The following AGTPBP1 variants were observed in gnomAD, a reference collection of about 807,000 sequenced individuals.
The protein encoded by AGTPBP1 is cytosolic carboxypeptidase 1.
A neutral mutation model predicts 143.9 loss-of-function variants in AGTPBP1; 70 were observed. The observed-to-expected ratio is 0.49, with a 90% CI of 0.40 to 0.59. AGTPBP1 has a LOEUF of 0.59. AGTPBP1 is among the 20% of genes least tolerant of loss of function. AGTPBP1 has a pLI of 0.00. For missense variants in AGTPBP1, 1,229 were observed against 1,464.5 expected (o/e 0.84, Z 2.62); for synonymous variants, 463 against 500.2 (o/e 0.93, Z 0.99).
chr9:85,657,340 T>C, intron 10 of AGTPBP1, 95 bp downstream of exon 10: 1 of 1,080,888 alleles, frequency 9.3e-7, no homozygotes, highest in Non-Finnish European at 1.3e-6. Context: ...ATCCTGTGTA[T>C]ACGTTTCTGA....
the AGTPBP1 span, among the ~76,000 whole-genome samples, chr9:85,798,055 CTA>C: frequency 6.9e-6 from 1 of 144,616 alleles, no homozygotes; most frequent in Non-Finnish European, 1.5e-5. Context: ...ACCACATCGG[CTA>C]TTTTTTTTTT....
chr9:85,720,876 T>C (rs1272632617), intron 1 of AGTPBP1, among the ~76,000 whole-genome samples: 3 of 152,230 alleles, frequency 2.0e-5, no homozygotes, highest in Non-Finnish European at 4.4e-5. Flanking sequence ...TTTGTTCTCA[T>C]TGGTTTCAAA....
chr9:85,703,323 G>A (rs1210768964), intron 2 of AGTPBP1, among the ~76,000 whole-genome samples: 1 of 152,166 alleles, frequency 6.6e-6, no homozygotes, highest in Non-Finnish European at 1.5e-5. Flanking sequence ...AAGGCCTCCT[G>A]GCTCTTGTGA....
At chr9:85,647,324 C>T (rs1832879561) in intron 11 of AGTPBP1, among the ~76,000 whole-genome samples, 1 of 152,156 alleles carries the variant, frequency 6.6e-6, no homozygotes, top group African/African-American at 2.4e-5. Flanking sequence ...CATTCAAAGT[C>T]AATCTGGGTT....
At chr9:85,699,221 C>T (rs992654530) in intron 2 of AGTPBP1, among the ~76,000 whole-genome samples, 1 of 152,080 alleles carries the variant, frequency 6.6e-6, no homozygotes, top group African/African-American at 2.4e-5. Flanking sequence ...TGGGCTCAAG[C>T]GATCCTCCCA....
At chr9:85,686,316 T>C (rs1450079843) in intron 3 of AGTPBP1, among the ~76,000 whole-genome samples, 1 of 151,982 alleles carries the variant, frequency 6.6e-6, no homozygotes, top group Non-Finnish European at 1.5e-5. Context: ...GTTATACTAA[T>C]ATCAGACAAA....
chr9:85,677,606 T>A (rs766033644), intron 5 of AGTPBP1, 24 bp from the exon 6 acceptor site: 243 of 1,396,722 alleles, frequency 1.7e-4, no homozygotes, highest in Non-Finnish European at 2.0e-4. Flanking sequence ...AAAAAAAAAA[T>A]TTAAACAACA....
the AGTPBP1 span, among the ~76,000 whole-genome samples, chr9:85,766,534 C>T: frequency 0.019 from 2,866 of 151,856 alleles, 87 homozygotes; most frequent in African/African-American, 0.06. Flanking sequence ...TAACAAAAAA[C>T]GTTATTTACA....
chr9:85,577,051 T>A (rs1313653362), intron 24 of AGTPBP1, among the ~76,000 whole-genome samples: 1 of 152,132 alleles, frequency 6.6e-6, no homozygotes, highest in Non-Finnish European at 1.5e-5. Context: ...TCAAAATATA[T>A]CTTAGCTTTT....
intron 2 of AGTPBP1, among the ~76,000 whole-genome samples, chr9:85,702,837 C>T (rs1289239141): frequency 1.3e-5 from 2 of 152,104 alleles, no homozygotes; most frequent in Non-Finnish European, 2.9e-5. Context: ...CAGAGACAAA[C>T]TACTTTGGAT....
At chr9:85,639,365 G>GCACACACA (rs1464649514) in intron 13 of AGTPBP1, among the ~76,000 whole-genome samples, 1 of 105,586 alleles carries the variant, frequency 9.5e-6, no homozygotes, top group Non-Finnish European at 1.9e-5. Flanking sequence ...GCGCGCGCAC[G>GCACACACA]CGCACACACA....
At chr9:85,641,819 C>G (rs1342746729) in intron 13 of AGTPBP1, among the ~76,000 whole-genome samples, 1 of 152,032 alleles carries the variant, frequency 6.6e-6, no homozygotes, top group Non-Finnish European at 1.5e-5. Flanking sequence ...CCTGCCTCAG[C>G]CTCCGAGTAG....
chr9:85,713,631 G>A (rs79249916), intron 1 of AGTPBP1, among the ~76,000 whole-genome samples: 4,416 of 152,108 alleles, frequency 0.029, 212 homozygotes, highest in African/African-American at 0.1. Flanking sequence ...ACACAAAAAG[G>A]GCAAACTTCA....
chr9:85,754,244 T>G, the AGTPBP1 span, among the ~76,000 whole-genome samples: 1 of 152,202 alleles, frequency 6.6e-6, no homozygotes, highest in Non-Finnish European at 1.5e-5. Context: ...CAGGCTGGAG[T>G]GCTGTGGCAC....
At chr9:85,564,197 A>G (rs1475074239) in intron 25 of AGTPBP1, among the ~76,000 whole-genome samples, 1 of 152,246 alleles carries the variant, frequency 6.6e-6, no homozygotes, top group African/African-American at 2.4e-5. Flanking sequence ...CCTCCACTCT[A>G]GTGTGTCCAG....
At chr9:85,715,163 C>T (rs935012383) in intron 1 of AGTPBP1, among the ~76,000 whole-genome samples, 2 of 151,850 alleles carry the variant, frequency 1.3e-5, no homozygotes, top group African/African-American at 4.8e-5. Flanking sequence ...AGGAGAATCA[C>T]TTGAACTGGG....
At chr9:85,568,290 T>C (rs1232434051) in intron 25 of AGTPBP1, among the ~76,000 whole-genome samples, 1 of 152,242 alleles carries the variant, frequency 6.6e-6, no homozygotes, top group Non-Finnish European at 1.5e-5. Context: ...TTGTATTCTT[T>C]GGGGTCCTCT....
At chr9:85,697,842 G>A (rs1023575288) in intron 2 of AGTPBP1, among the ~76,000 whole-genome samples, 2 of 152,088 alleles carry the variant, frequency 1.3e-5, no homozygotes, top group Non-Finnish European at 1.5e-5. Context: ...ATAGAAAAAG[G>A]TTCTAAAGCC....
intron 3 of AGTPBP1, among the ~76,000 whole-genome samples, chr9:85,688,577 T>C (rs1835643656): frequency 6.6e-6 from 1 of 152,124 alleles, no homozygotes. Flanking sequence ...CCCTACTCTA[T>C]AGAAACTAAA....
Sources: gnomAD v4.1 joint callset for allele counts (sites outside exome capture counted in the v4.1 genomes callset) on GRCh38, gnomAD v4.1.1 for gene constraint, MANE v1.5 for transcripts, NCBI Gene and HGNC (gene_info 2026-07-23, HGNC 2026-07-21) for gene names.